The following TTC28 variants were observed in gnomAD, a reference collection of about 807,000 sequenced individuals.
TTC28 encodes the protein tetratricopeptide repeat domain 28.
Under a neutral mutation model 198.0 loss-of-function variants are expected in TTC28, and 61 were observed. The observed-to-expected ratio is 0.31, with a 90% CI of 0.25 to 0.38. TTC28 has a LOEUF of 0.38. Among genes scored for constraint, TTC28 ranks in the 10% least tolerant of loss-of-function variants. The probability of loss-of-function intolerance (pLI) is 1.00; values close to 1 mark genes in which losing one functional copy is unlikely to be tolerated. For synonymous variants in TTC28, 1,171 were observed against 1,297.8 expected (o/e 0.90, Z 2.10); for missense variants, 2,678 against 3,164.0 (o/e 0.85, Z 3.69).
At chr22:28,563,289 G>C (rs767147338) in intron 2 of TTC28, among the ~76,000 whole-genome samples, 1 of 152,084 alleles carries the variant, frequency 6.6e-6, no homozygotes, top group African/African-American at 2.4e-5. Context: ...ATGATGCTAT[G>C]AACTTGCTAA....
chr22:28,251,109 G>C (rs1433307365), intron 5 of TTC28, among the ~76,000 whole-genome samples: 1 of 152,098 alleles, frequency 6.6e-6, no homozygotes, highest in Non-Finnish European at 1.5e-5. Flanking sequence ...GACTGGTTTT[G>C]GTTATCATTT....
chr22:28,169,200 T>C (rs889438074), intron 5 of TTC28, among the ~76,000 whole-genome samples: 7 of 152,030 alleles, frequency 4.6e-5, no homozygotes, highest in South Asian at 2.1e-4. Context: ...TGTGGAGAAA[T>C]AGGAACACTT....
rs376496359 is a variant in TTC28, at chr22:28,171,782, A to G, written c.934-8183T>C. ...TGGTAGAGAGCAGAAACAATTCCAC[A>G]CAAGTCACAATGCTGCAGCAGTGTG... On this transcript the variant is annotated intron_variant, in intron 5 of 22. Transcript: ENST00000397906. Among the ~76,000 whole-genome samples the G allele has an allele frequency of 1.1e-4, 17 of 152,254 alleles. No homozygotes were observed. The East Asian group carries it at 3.1e-3, about 28-fold the overall frequency.
chr22:28,623,462 T>C (rs2051031853), intron 2 of TTC28, among the ~76,000 whole-genome samples: 1 of 152,174 alleles, frequency 6.6e-6, no homozygotes, highest in Non-Finnish European at 1.5e-5. Context: ...AACTTCTTCA[T>C]TCCAGCAATG....
At chr22:28,400,356 C>T (rs997916283) in intron 2 of TTC28, among the ~76,000 whole-genome samples, 2 of 152,188 alleles carry the variant, frequency 1.3e-5, no homozygotes, top group African/African-American at 4.8e-5. Context: ...AGGACTCTTC[C>T]TTTTTAAAAA....
intron 5 of TTC28, among the ~76,000 whole-genome samples, chr22:28,290,181 C>T (rs200672531): frequency 2.5e-4 from 38 of 152,196 alleles, no homozygotes; most frequent in East Asian, 1.7e-3. Context: ...ATTCTTCCCA[C>T]GCATAGCATT....
intron 5 of TTC28, among the ~76,000 whole-genome samples, chr22:28,213,773 A>G (rs1016618120): frequency 8.5e-5 from 13 of 152,062 alleles, no homozygotes; most frequent in African/African-American, 3.1e-4. Flanking sequence ...GAATTGGAAA[A>G]AACTACTTTA....
intron 5 of TTC28, among the ~76,000 whole-genome samples, chr22:28,167,191 G>C (rs1333751403): frequency 6.6e-6 from 1 of 152,090 alleles, no homozygotes; most frequent in African/African-American, 2.4e-5. Context: ...TAGCTTACCA[G>C]CCAAGAAAAG....
intron 2 of TTC28, among the ~76,000 whole-genome samples, chr22:28,463,803 C>G (rs1031228395): frequency 6.6e-6 from 1 of 151,918 alleles, no homozygotes; most frequent in Non-Finnish European, 1.5e-5. Context: ...GGAGATATAC[C>G]TAATGTAAAT....
At chr22:28,166,331 A>G (rs1569174153) in intron 5 of TTC28, among the ~76,000 whole-genome samples, 1 of 152,212 alleles carries the variant, frequency 6.6e-6, no homozygotes, top group Non-Finnish European at 1.5e-5. Flanking sequence ...GACCTAACAG[A>G]CATCTACAGA....
chr22:28,582,998 G>A (rs1237124991), intron 2 of TTC28, among the ~76,000 whole-genome samples: 1 of 151,588 alleles, frequency 6.6e-6, no homozygotes, highest in East Asian at 1.9e-4. Flanking sequence ...AGCTGGACTT[G>A]ATTAAAAAGA....
At chr22:28,562,304 T>A (rs1342869544) in intron 2 of TTC28, among the ~76,000 whole-genome samples, 1 of 152,224 alleles carries the variant, frequency 6.6e-6, no homozygotes, top group Non-Finnish European at 1.5e-5. Flanking sequence ...ATAGATGCTT[T>A]CAATTTCTCC....
At chr22:28,042,498 A>G (rs6005704) in intron 12 of TTC28, among the ~76,000 whole-genome samples, 20,694 of 151,976 alleles carry the variant, frequency 0.14, 1,506 homozygotes, top group Middle Eastern at 0.26. Context: ...ACCAAACACC[A>G]CACATTTTCA....
chr22:28,452,058 T>A (rs2047785938), intron 2 of TTC28, among the ~76,000 whole-genome samples: 1 of 152,004 alleles, frequency 6.6e-6, no homozygotes, highest in African/African-American at 2.4e-5. Flanking sequence ...TAAAGAAAGA[T>A]GCTTGAAGTG....
intron 2 of TTC28, among the ~76,000 whole-genome samples, chr22:28,539,697 A>C (rs1163148888): frequency 6.6e-6 from 1 of 151,776 alleles, no homozygotes; most frequent in Non-Finnish European, 1.5e-5. Context: ...TCAAATGGGG[A>C]GAAGAATCAG....
At chr22:28,521,229 T>A (rs1394973639) in intron 2 of TTC28, among the ~76,000 whole-genome samples, 1 of 149,946 alleles carries the variant, frequency 6.7e-6, no homozygotes, top group East Asian at 2.0e-4. Flanking sequence ...CAAGATCCTA[T>A]CTCTACCAAA....
chr22:28,409,704 T>C (rs1163404085), intron 2 of TTC28, among the ~76,000 whole-genome samples: 2 of 150,196 alleles, frequency 1.3e-5, no homozygotes, highest in East Asian at 3.9e-4. Context: ...CTGTCACCAC[T>C]GCATTGCAGT....
At chr22:28,429,337 C>G (rs2047399871) in intron 2 of TTC28, among the ~76,000 whole-genome samples, 1 of 152,156 alleles carries the variant, frequency 6.6e-6, no homozygotes, top group African/African-American at 2.4e-5. Context: ...TTTCTCCCTC[C>G]AGGGCCTCAA....
chr22:28,410,041 C>G (rs2047058733), intron 2 of TTC28, among the ~76,000 whole-genome samples: 1 of 152,128 alleles, frequency 6.6e-6, no homozygotes, highest in Admixed American at 6.5e-5. Context: ...CCTGCCTCAG[C>G]CTGCTGAGTA....
Sources: allele counts gnomAD v4.1 joint callset (sites outside exome capture counted in the v4.1 genomes callset), GRCh38; gene constraint gnomAD v4.1.1; transcripts MANE v1.5; gene names NCBI Gene and HGNC (gene_info 2026-07-23, HGNC 2026-07-21).